The following PLEKHD1 variants were observed in gnomAD, a reference collection of about 807,000 sequenced individuals.
PLEKHD1 encodes the protein pleckstrin homology and coiled-coil domain containing D1.
PLEKHD1 carries 51 observed loss-of-function variants against 69.2 expected under a neutral mutation model. The ratio of observed to expected loss-of-function variants is 0.74; its 90% confidence interval spans 0.59 to 0.93. The LOEUF is 0.93. Among genes scored for constraint, PLEKHD1 ranks in the 40% least tolerant of loss-of-function variants. PLEKHD1 has a pLI of 0.00. For missense variants in PLEKHD1, 584 were observed against 641.0 expected (o/e 0.91, Z 0.96); for synonymous variants, 236 against 244.7 (o/e 0.96, Z 0.33).
chr14:69,493,312 A>T (rs1259481836), intron 1 of PLEKHD1, among the ~76,000 whole-genome samples: 1 of 152,250 alleles, frequency 6.6e-6, no homozygotes. Flanking sequence ...AGGACCAGGC[A>T]TCACAGAGCA....
At chr14:69,527,761 C>T (rs909325105) in intron 11 of PLEKHD1, 22 bp from the exon 12 acceptor site, 8 of 1,551,076 alleles carry the variant, frequency 5.2e-6, no homozygotes, top group Non-Finnish European at 7.0e-6. Context: ...GAACCCCACC[C>T]TTCCTGGCCC....
chr14:69,522,890 G>GTA (rs1035875528), intron 7 of PLEKHD1, among the ~76,000 whole-genome samples: 1 of 151,686 alleles, frequency 6.6e-6, no homozygotes, highest in African/African-American at 2.4e-5. Flanking sequence ...ATATATACAT[G>GTA]TATATATCTA....
chr14:69,493,325 G>A (rs1001387747), intron 1 of PLEKHD1, among the ~76,000 whole-genome samples: 3 of 152,220 alleles, frequency 2.0e-5, no homozygotes, highest in African/African-American at 4.8e-5. Flanking sequence ...ACAGAGCACA[G>A]CAGGTGAGAA....
intron 1 of PLEKHD1, among the ~76,000 whole-genome samples, chr14:69,489,974 C>A (rs1211937849): frequency 6.6e-6 from 1 of 152,216 alleles, no homozygotes; most frequent in African/African-American, 2.4e-5. Context: ...TCAAGGAATT[C>A]TCATACCTCA....
upstream of PLEKHD1, among the ~76,000 whole-genome samples, chr14:69,483,806 C>G (rs774535917): frequency 1.3e-5 from 2 of 152,208 alleles, no homozygotes; most frequent in Non-Finnish European, 2.9e-5. Flanking sequence ...TGGCAGGTGG[C>G]GCGGGGCAGG....
At chr14:69,527,100 C>A in intron 10 of PLEKHD1, 88 bp from the exon 11 acceptor site, 1 of 1,430,920 alleles carries the variant, frequency 7.0e-7, no homozygotes, top group Non-Finnish European at 9.3e-7. Context: ...GCCCATTGAG[C>A]CAGGGGTGAC....
At chr14:69,482,360 T>C (rs1480532693), upstream of PLEKHD1, among the ~76,000 whole-genome samples, 1 of 152,186 alleles carries the variant, frequency 6.6e-6, no homozygotes, top group African/African-American at 2.4e-5. Flanking sequence ...CCAGCAGCCA[T>C]AAGCTGCAAC....
chr14:69,501,357 G>C, intron 4 of PLEKHD1: 1 of 322,644 alleles, frequency 3.1e-6, no homozygotes, highest in Non-Finnish European at 5.8e-6. Flanking sequence ...CACCTGCCTA[G>C]TCAGGCTAGG....
At position 69,504,015 on chromosome 14, in the gene PLEKHD1, A is replaced by G. The variant is rs1318352006; in HGVS notation, c.555+1136A>G. 9.8e-5 allele frequency among the ~76,000 whole-genome samples: 15 copies of G among 152,298 alleles called. No individual in the cohort carries two copies. The East Asian group carries it at 2.3e-3, about 24-fold the overall frequency. ...TGCCTGTATTTGTATTTGACCTTCA[A>G]TACTTCTAGCTTTGTGACCTCAGGC... is the stretch of plus-strand genomic sequence containing the variant. On this transcript the variant is annotated intron_variant, in intron 6 of 12. Transcript: ENST00000322564.
upstream of PLEKHD1, among the ~76,000 whole-genome samples, chr14:69,480,356 A>C (rs1022367829): frequency 3.3e-5 from 5 of 152,218 alleles, no homozygotes; most frequent in African/African-American, 1.2e-4. Context: ...TGACAGACAG[A>C]TGCCGGTGCT....
chr14:69,474,444 G>A, the PLEKHD1 span, among the ~76,000 whole-genome samples: 172 of 152,264 alleles, frequency 1.1e-3, 1 homozygote, highest in South Asian at 3.5e-3. Flanking sequence ...ACAAAGTTTT[G>A]CCTCCTTTAC....
intron 5 of PLEKHD1, chr14:69,502,609 T>C: frequency 1.7e-6 from 1 of 581,674 alleles, no homozygotes; most frequent in Non-Finnish European, 3.0e-6. Context: ...AGGCCCCTCA[T>C]AACCCTAGGA....
the PLEKHD1 span, among the ~76,000 whole-genome samples, chr14:69,474,061 T>G: frequency 6.6e-6 from 1 of 152,076 alleles, no homozygotes; most frequent in Admixed American, 6.6e-5. Flanking sequence ...GGGACTCCTC[T>G]TAGGAGCCTG....
intron 6 of PLEKHD1, among the ~76,000 whole-genome samples, chr14:69,521,789 C>G (rs1363731726): frequency 6.6e-6 from 1 of 152,156 alleles, no homozygotes; most frequent in Non-Finnish European, 1.5e-5. Flanking sequence ...GTCATTGCTT[C>G]CCAGATACCT....
intron 6 of PLEKHD1, among the ~76,000 whole-genome samples, chr14:69,503,863 C>CA (rs35831952): frequency 0.23 from 8,881 of 38,912 alleles, 1,347 homozygotes; most frequent in Non-Finnish European, 0.29. Flanking sequence ...GACTCCGTCT[C>CA]AAAAAAAAAA....
At chr14:69,487,418 C>T (rs573511688) in intron 1 of PLEKHD1, among the ~76,000 whole-genome samples, 3 of 152,340 alleles carry the variant, frequency 2.0e-5, no homozygotes, top group Non-Finnish European at 2.9e-5. Context: ...AGCTGAGGGC[C>T]GCCACCGCAG....
At chr14:69,505,913 G>C (rs534258214) in intron 6 of PLEKHD1, among the ~76,000 whole-genome samples, 1 of 152,286 alleles carries the variant, frequency 6.6e-6, no homozygotes, top group African/African-American at 2.4e-5. Flanking sequence ...CTCACCCCTG[G>C]AGGAGGGCAG....
intron 6 of PLEKHD1, among the ~76,000 whole-genome samples, chr14:69,521,165 G>A (rs1227294683): frequency 9.2e-5 from 14 of 152,172 alleles, no homozygotes; most frequent in Non-Finnish European, 1.8e-4. Flanking sequence ...AATAATACCA[G>A]TGAGCAGTGA....
chr14:69,491,117 A>C (rs1230138367), intron 1 of PLEKHD1, among the ~76,000 whole-genome samples: 1 of 152,158 alleles, frequency 6.6e-6, no homozygotes, highest in Non-Finnish European at 1.5e-5. Context: ...AGAGGCTGTA[A>C]ACTAGTTTCT....
Sources: allele counts gnomAD v4.1 joint callset (sites outside exome capture counted in the v4.1 genomes callset), GRCh38; gene constraint gnomAD v4.1.1; transcripts MANE v1.5; gene names NCBI Gene and HGNC (gene_info 2026-07-23, HGNC 2026-07-21).